Variants in SSBP3 observed in about 807,000 individuals in gnomAD.
The protein encoded by SSBP3 is single stranded DNA binding protein 3, also known as single-stranded DNA-binding protein 3.
A neutral mutation model predicts 69.6 loss-of-function variants in SSBP3; 5 were observed. The ratio of observed to expected loss-of-function variants is 0.07; its 90% CI spans 0.04 to 0.15. The LOEUF is 0.15. Among genes scored for constraint, SSBP3 ranks in the 10% least tolerant of loss-of-function variants. The pLI is 1.00. For synonymous variants in SSBP3, 196 were observed against 193.4 expected (o/e 1.01, Z -0.11); for missense variants, 312 against 534.0 (o/e 0.58, Z 4.10).
At chr1:54,391,679 G>A (rs762726946) in intron 4 of SSBP3, among the ~76,000 whole-genome samples, 5 of 152,210 alleles carry the variant, frequency 3.3e-5, no homozygotes, top group East Asian at 1.9e-4. Context: ...AATGTCAGGC[G>A]CTTCACCCAA....
rs373614428 is a variant in SSBP3, at chr1:54,311,445, G to C, written c.277-29918C>G. Among the ~76,000 whole-genome samples, 27 of 152,340 alleles carry C rather than the reference G, an allele frequency of 1.8e-4. No homozygotes were observed. In the East Asian group the frequency reaches 3.1e-3, roughly 17 times the overall value. On this transcript the variant is annotated intron_variant, in intron 4 of 17. Coordinates refer to ENST00000610401, the Ensembl canonical transcript of SSBP3. ...CAAAGTGAAGACAATCACCCTGCCT[G>C]CCTGACTTGCAGGACCTGTCGTGAG... is the stretch of plus-strand genomic sequence containing the variant.
chr1:54,281,640 T>G, intron 4 of SSBP3, 113 bp from the exon 5 acceptor site: 1 of 965,108 alleles, frequency 1.0e-6, no homozygotes. Flanking sequence ...TGGACCTTCC[T>G]CACAGGCCAC....
chr1:54,242,111 C>A (rs984634231), intron 11 of SSBP3, 53 bp downstream of exon 11: 2 of 1,601,054 alleles, frequency 1.2e-6, no homozygotes, highest in Non-Finnish European at 1.7e-6. Flanking sequence ...AGCTCCCCTG[C>A]ACCCAGAACC....
intron 4 of SSBP3, among the ~76,000 whole-genome samples, chr1:54,296,703 G>C (rs967517407): frequency 1.3e-5 from 2 of 152,170 alleles, no homozygotes; most frequent in Admixed American, 6.5e-5. Flanking sequence ...GCATCCCCTG[G>C]AACAGTGCCT....
At chr1:54,308,076 T>C (rs1397031713) in intron 4 of SSBP3, among the ~76,000 whole-genome samples, 1 of 152,208 alleles carries the variant, frequency 6.6e-6, no homozygotes, top group Non-Finnish European at 1.5e-5. Context: ...CCCTAGTGCT[T>C]ATAGAATCCA....
chr1:54,288,494 G>C (rs1411537156), intron 4 of SSBP3, among the ~76,000 whole-genome samples: 1 of 150,454 alleles, frequency 6.6e-6, no homozygotes, highest in African/African-American at 2.4e-5. Context: ...CTAAGTCCCA[G>C]CTCATGTCTG....
chr1:54,227,181 AG>A (rs372535521), intron 17 of SSBP3, 21 bp from the exon 18 acceptor site: 58,613 of 471,834 alleles, frequency 0.12, 821 homozygotes, highest in South Asian at 0.16. Flanking sequence ...GAAGCAGAGA[AG>A]GGGGGGGGGT....
chr1:54,379,985 G>A (rs1030552149), intron 4 of SSBP3, among the ~76,000 whole-genome samples: 4 of 152,198 alleles, frequency 2.6e-5, no homozygotes, highest in African/African-American at 4.8e-5. Context: ...TCACAGTGGG[G>A]ACAATGGGGC....
rs201308890 is a variant in SSBP3, at chr1:54,227,129, G to T, written c.*2C>A. On this transcript the variant is annotated 3_prime_UTR_variant, in exon 18 of 18. Transcript: ENST00000610401. ...TCTCTCAGCGTCTCGGAGAAGGGGG[G>T]ATCACACACTCATCGTCATGCTTGG... is the stretch of plus-strand genomic sequence containing the variant. 1.7e-5 allele frequency: 25 copies of T among 1,434,464 alleles called. No homozygotes were observed. The East Asian group carries it at 7.2e-4, about 41-fold the overall frequency. 88.9% of individuals were successfully genotyped at this position (1,434,464 alleles called of 1,614,324 possible).
intron 4 of SSBP3, among the ~76,000 whole-genome samples, chr1:54,383,373 G>A (rs991790839): frequency 8.8e-5 from 12 of 136,172 alleles, no homozygotes; most frequent in South Asian, 4.6e-4. Flanking sequence ...GCGAGACTCC[G>A]TCTCTAAAAG....
upstream of SSBP3, among the ~76,000 whole-genome samples, chr1:54,407,781 T>A (rs1033866243): frequency 7.5e-6 from 1 of 133,928 alleles, no homozygotes; most frequent in Non-Finnish European, 1.6e-5. Flanking sequence ...TTTTTTTAAC[T>A]GCGCTGTTCC....
chr1:54,309,366 C>T (rs1458493625), intron 4 of SSBP3, among the ~76,000 whole-genome samples: 2 of 152,150 alleles, frequency 1.3e-5, no homozygotes, highest in Non-Finnish European at 2.9e-5. Flanking sequence ...TTGACATTGG[C>T]GAGTGAAGTT....
At chr1:54,332,373 G>A (rs1355546854) in intron 4 of SSBP3, among the ~76,000 whole-genome samples, 5 of 152,212 alleles carry the variant, frequency 3.3e-5, no homozygotes, top group African/African-American at 1.2e-4. Context: ...GCTGGGAGGG[G>A]TGGGAGTGTG....
At chr1:54,257,313 A>T (rs1644939002) in intron 6 of SSBP3, 127 bp from the exon 7 acceptor site, 1 of 799,014 alleles carries the variant, frequency 1.3e-6, no homozygotes. Flanking sequence ...TTCTCCTGCT[A>T]GCCTCTTCCC....
chr1:54,395,967 C>G (rs969877659), intron 4 of SSBP3, among the ~76,000 whole-genome samples: 1 of 152,030 alleles, frequency 6.6e-6, no homozygotes. Flanking sequence ...CTGAGGCAGT[C>G]AGATCACAAT....
At chr1:54,257,022 C>T (rs996338574) in intron 7 of SSBP3, 105 bp downstream of exon 7, 2 of 1,198,970 alleles carry the variant, frequency 1.7e-6, no homozygotes, top group African/African-American at 1.6e-5. Context: ...TAAACCTGCC[C>T]CTCCACCCCT....
intron 14 of SSBP3, among the ~76,000 whole-genome samples, chr1:54,232,625 G>C (rs890524761): frequency 6.6e-6 from 1 of 151,970 alleles, no homozygotes; most frequent in Non-Finnish European, 1.5e-5. Context: ...TCTTTCCACG[G>C]TCTCCCTCTC....
intron 14 of SSBP3, among the ~76,000 whole-genome samples, chr1:54,231,028 C>A (rs1644371413): frequency 6.6e-6 from 1 of 152,136 alleles, no homozygotes. Context: ...TGGGCAGATA[C>A]CTAGGAGGAG....
chr1:54,395,538 T>C (rs1648801807), intron 4 of SSBP3, among the ~76,000 whole-genome samples: 1 of 152,100 alleles, frequency 6.6e-6, no homozygotes, highest in Non-Finnish European at 1.5e-5. Context: ...CTCTGCCCCT[T>C]GAGGGGGTGC....
Sources: gnomAD v4.1 joint callset for allele counts (sites outside exome capture counted in the v4.1 genomes callset) on GRCh38, gnomAD v4.1.1 for gene constraint, MANE v1.5 for transcripts, NCBI Gene and HGNC (gene_info 2026-07-23, HGNC 2026-07-21) for gene names.